CLASP2: variants seen among roughly 807,000 people sequenced by gnomAD.
CLASP2 encodes the protein cytoplasmic linker associated protein 2.
A neutral mutation model predicts 194.4 loss-of-function variants in CLASP2; 47 were observed. The observed-to-expected ratio is 0.24, with a 90% CI of 0.19 to 0.31. CLASP2 has a LOEUF of 0.31. Among genes scored for constraint, CLASP2 ranks in the 10% least tolerant of loss-of-function variants. CLASP2 has a pLI of 1.00. For missense variants in CLASP2, 1,445 were observed against 1,823.6 expected (o/e 0.79, Z 3.78); for synonymous variants, 619 against 633.5 (o/e 0.98, Z 0.34).
intron 21 of CLASP2, among the ~76,000 whole-genome samples, chr3:33,589,876 A>C (rs2068311696): frequency 6.6e-6 from 1 of 152,156 alleles, no homozygotes; most frequent in Non-Finnish European, 1.5e-5. Flanking sequence ...GAAAAGAACT[A>C]ATATCTCACA....
At position 33,510,613 on chromosome 3, in the gene CLASP2, ACT is replaced by A. The variant is rs1239901964; in HGVS notation, c.4260_4261del (p.Arg1420SerfsTer22). Reference sequence around the variant, plus strand: ...AAGCAGGTTTAGGGTTTCCTTGGACACTCTCTCTATCACTTTTGTTTGCATTT... The same window carrying A: ...AAGCAGGTTTAGGGTTTCCTTGGACACTCTCTATCACTTTTGTTTGCATTT... On this transcript the variant is annotated frameshift_variant, in exon 37 of 39. Coordinates refer to ENST00000682230, the MANE Select transcript of CLASP2 (RefSeq NM_001365631.1). LOFTEE classifies it high-confidence loss of function. 1 of 1,613,700 alleles carries A rather than the reference ACT, an allele frequency of 6.2e-7. No homozygotes were observed. The highest frequency in any genetic ancestry group is 1.7e-5 in the Admixed American group (1 of 59,972).
chr3:33,663,125 T>C (rs1336675469), intron 7 of CLASP2, among the ~76,000 whole-genome samples: 2 of 145,624 alleles, frequency 1.4e-5, no homozygotes, highest in Non-Finnish European at 3.0e-5. Flanking sequence ...ACACATTGTA[T>C]GCATGGAAAA....
At chr3:33,609,366 T>C (rs1422705047) in intron 13 of CLASP2, among the ~76,000 whole-genome samples, 3 of 152,232 alleles carry the variant, frequency 2.0e-5, no homozygotes, top group Admixed American at 6.5e-5. Context: ...AGTGAAGATA[T>C]ACAATGGTGA....
chr3:33,667,406 CAAAAA>C lies in CLASP2; in HGVS notation c.645-3896_645-3892del, dbSNP rs537846651. Among the ~76,000 whole-genome samples the C allele has an allele frequency of 3.4e-4, 15 of 44,128 alleles. 1 individual carries two copies. Among genetic ancestry groups the C allele is most frequent in the Admixed American group, 3.2e-3 (11 of 3,388 alleles). The allele number at this position is 44,128 out of a possible 152,430, so 28.9% of individuals were successfully genotyped here. Reference sequence around the variant, plus strand: ...CCTGGGTGACAGAGTGAGACTATCTCAAAAAAAAAAAAAAAAAAAAAAGACATTTG... The same window carrying C: ...CCTGGGTGACAGAGTGAGACTATCTCAAAAAAAAAAAAAAAAAGACATTTG... On this transcript the variant is annotated intron_variant, in intron 6 of 38. Transcript: ENST00000682230.
At chr3:33,629,178 T>C (rs2078604141) in intron 9 of CLASP2, among the ~76,000 whole-genome samples, 1 of 152,176 alleles carries the variant, frequency 6.6e-6, no homozygotes, top group African/African-American at 2.4e-5. Context: ...AAAAGTTGAC[T>C]GTGAGGGCCA....
chr3:33,546,990 T>C (rs1423032189), intron 30 of CLASP2, among the ~76,000 whole-genome samples: 3 of 152,248 alleles, frequency 2.0e-5, no homozygotes, highest in Non-Finnish European at 4.4e-5. Flanking sequence ...AAGTGTTTTA[T>C]TTTCCTGTAT....
chr3:33,688,164 C>G (rs908772498), intron 4 of CLASP2, 113 bp downstream of exon 4: 51 of 686,390 alleles, frequency 7.4e-5, no homozygotes, highest in Non-Finnish European at 1.1e-4. Context: ...AAGTTATATG[C>G]TTTAATAATT....
intron 8 of CLASP2, chr3:33,644,550 T>G (rs1185647959): frequency 1.6e-6 from 1 of 614,782 alleles, no homozygotes; most frequent in South Asian, 1.9e-5. Flanking sequence ...AAGAGACTAA[T>G]TCACATACAT....
At chr3:33,638,395 C>T (rs765943502) in intron 8 of CLASP2, among the ~76,000 whole-genome samples, 54 of 152,168 alleles carry the variant, frequency 3.5e-4, no homozygotes, top group Admixed American at 7.9e-4. Context: ...AGCTCCACCT[C>T]CCGGGTTCAT....
At chr3:33,529,464 C>T (rs1179694894) in intron 34 of CLASP2, among the ~76,000 whole-genome samples, 1 of 151,496 alleles carries the variant, frequency 6.6e-6, no homozygotes, top group Non-Finnish European at 1.5e-5. Flanking sequence ...GGTACTAGCA[C>T]AAAAACAGGC....
intron 7 of CLASP2, among the ~76,000 whole-genome samples, chr3:33,653,348 AC>A (rs1470505286): frequency 6.6e-6 from 1 of 152,128 alleles, no homozygotes; most frequent in East Asian, 1.9e-4. Context: ...ATATAAAAGC[AC>A]CACACAACAC....
At chr3:33,693,529 C>T (rs1424677666) in intron 2 of CLASP2, among the ~76,000 whole-genome samples, 2 of 152,172 alleles carry the variant, frequency 1.3e-5, no homozygotes, top group African/African-American at 4.8e-5. Flanking sequence ...CAGTTCCATA[C>T]CTCTCTAAGA....
rs572944533 is a variant in CLASP2, at chr3:33,687,933, T to C, written c.470+344A>G. ...GTAGGGTGGGGATGGGAAATGACTA[T>C]AATATGTGAAATATCATTGAATTAA... On this transcript the variant is annotated intron_variant, in intron 4 of 38. Transcript: ENST00000682230. Among the ~76,000 whole-genome samples, 147 of 152,344 alleles carry C rather than the reference T, an allele frequency of 9.6e-4. 1 individual carries two copies. The highest frequency in any genetic ancestry group is 2.4e-3 in the Admixed American group (37 of 15,304).
intron 10 of CLASP2, among the ~76,000 whole-genome samples, chr3:33,625,468 C>G (rs1218869946): frequency 6.6e-6 from 1 of 150,496 alleles, no homozygotes; most frequent in African/African-American, 2.4e-5. Context: ...TATTATGTGC[C>G]TGACATCTAT....
At chr3:33,554,040 C>T (rs2060487819) in intron 29 of CLASP2, among the ~76,000 whole-genome samples, 1 of 151,994 alleles carries the variant, frequency 6.6e-6, no homozygotes, top group Non-Finnish European at 1.5e-5. Flanking sequence ...CAGCCGGGGC[C>T]AACGTAGTTA....
chr3:33,636,540 A>G (rs1266289499), intron 8 of CLASP2, among the ~76,000 whole-genome samples: 1 of 152,220 alleles, frequency 6.6e-6, no homozygotes, highest in Non-Finnish European at 1.5e-5. Context: ...TGAGAATATA[A>G]AAAATTCTGA....
chr3:33,695,261 C>T (rs1005789106), intron 2 of CLASP2, among the ~76,000 whole-genome samples: 4 of 127,586 alleles, frequency 3.1e-5, no homozygotes, highest in African/African-American at 1.2e-4. Flanking sequence ...TGGTCTCACT[C>T]TATTGCCCAG....
Position 33,576,165 on chromosome 3 carries a change from G to A in CLASP2, c.2454+4C>T, listed in dbSNP as rs764116679. 1.2e-5 allele frequency: 19 copies of A among 1,608,284 alleles called. No homozygotes were observed. Among genetic ancestry groups the A allele is most frequent in the Admixed American group, 1.7e-5 (1 of 59,962 alleles). ...TATAATGATAAGAAAATGGAGAAGA[G>A]TACCAAGGCATCTGCCACCGCCTCC... On this transcript the variant is annotated splice_donor_region_variant and intron_variant, in intron 24 of 38. Coordinates refer to ENST00000682230, the MANE Select transcript of CLASP2 (RefSeq NM_001365631.1).
chr3:33,586,243 T>C (rs1453374281), intron 21 of CLASP2, among the ~76,000 whole-genome samples: 1 of 152,048 alleles, frequency 6.6e-6, no homozygotes, highest in Non-Finnish European at 1.5e-5. Context: ...CAAGTGATTC[T>C]CCTGCCTCAG....
Sources: gnomAD v4.1 joint callset for allele counts (sites outside exome capture counted in the v4.1 genomes callset) on GRCh38, gnomAD v4.1.1 for gene constraint, MANE v1.5 for transcripts, NCBI Gene and HGNC (gene_info 2026-07-23, HGNC 2026-07-21) for gene names.